PPM1L: variants seen among roughly 807,000 people sequenced by gnomAD.
The protein encoded by PPM1L is protein phosphatase 1L.
PPM1L carries 13 observed loss-of-function variants against 31.4 expected under a neutral mutation model. The observed-to-expected ratio is 0.41, with a 90% CI of 0.27 to 0.66. The LOEUF is 0.66. Ranked by LOEUF, PPM1L falls within the 30% of genes least tolerant of loss-of-function variation. The pLI is 0.29. For missense variants in PPM1L, 326 were observed against 453.7 expected, an observed-to-expected ratio of 0.72 and a Z score of 2.56; for synonymous variants, 184 against 175.4, an observed-to-expected ratio of 1.05 and a Z score of -0.39.
intron 1 of PPM1L, among the ~76,000 whole-genome samples, chr3:160,789,774 C>A (rs186499278): frequency 6.6e-6 from 1 of 151,644 alleles, no homozygotes; most frequent in Non-Finnish European, 1.5e-5. Flanking sequence ...CTTCTGATAT[C>A]GAACCATCTT....
At chr3:160,905,908 A>G (rs756066164) in intron 1 of PPM1L, among the ~76,000 whole-genome samples, 5 of 152,050 alleles carry the variant, frequency 3.3e-5, no homozygotes, top group Non-Finnish European at 5.9e-5. Flanking sequence ...TTTACATTTT[A>G]ATTGCTCATT....
intron 1 of PPM1L, among the ~76,000 whole-genome samples, chr3:160,865,360 T>C (rs1264492528): frequency 2.0e-5 from 3 of 152,256 alleles, no homozygotes; most frequent in Admixed American, 6.5e-5. Flanking sequence ...AGGAATTGTA[T>C]TTTATTGTTG....
At chr3:160,842,181 C>T in intron 1 of PPM1L, 1 of 688,708 alleles carries the variant, frequency 1.5e-6, no homozygotes. Context: ...AGGACTCATG[C>T]AGGAGCTGGA....
intron 1 of PPM1L, among the ~76,000 whole-genome samples, chr3:160,894,962 C>T (rs1225446213): frequency 6.6e-6 from 1 of 152,094 alleles, no homozygotes; most frequent in Non-Finnish European, 1.5e-5. Flanking sequence ...TATATATCTT[C>T]CACCTTTTTT....
intron 2 of PPM1L, among the ~76,000 whole-genome samples, chr3:161,038,955 A>G (rs1718830987): frequency 6.6e-6 from 1 of 152,200 alleles, no homozygotes; most frequent in Non-Finnish European, 1.5e-5. Flanking sequence ...CAGAACCAAA[A>G]TGGTGACGAG....
At chr3:160,835,033 A>ACTTCTTCTTCTTCTT (rs1472836807) in intron 1 of PPM1L, among the ~76,000 whole-genome samples, 96 of 86,300 alleles carry the variant, frequency 1.1e-3, no homozygotes, top group African/African-American at 6.0e-3. Context: ...TACTATTACT[A>ACTTCTTCTTCTTCTT]CTACTACTTC....
intron 1 of PPM1L, among the ~76,000 whole-genome samples, chr3:160,799,722 G>A (rs952284830): frequency 2.6e-5 from 4 of 152,010 alleles, no homozygotes; most frequent in Non-Finnish European, 5.9e-5. Context: ...GCTTATCCAC[G>A]TGGCTTGCCC....
chr3:160,906,562 A>T (rs986559395), intron 1 of PPM1L, among the ~76,000 whole-genome samples: 21 of 151,998 alleles, frequency 1.4e-4, no homozygotes, highest in African/African-American at 5.1e-4. Context: ...AGATCATGCC[A>T]CTGCACTCCA....
chr3:161,044,509 G>A (rs1719000243), intron 2 of PPM1L, among the ~76,000 whole-genome samples: 2 of 151,876 alleles, frequency 1.3e-5, no homozygotes, highest in Admixed American at 1.3e-4. Context: ...GGAGGCTGAG[G>A]CAGGCAGATC....
intron 1 of PPM1L, among the ~76,000 whole-genome samples, chr3:160,821,861 A>AG (rs397877057): frequency 6.6e-6 from 1 of 151,974 alleles, no homozygotes; most frequent in Non-Finnish European, 1.5e-5. Flanking sequence ...TTTAAAAAAA[A>AG]TTAGTAATGG....
rs1720028619 is a variant in PPM1L, at chr3:161,074,130, T to A, written c.*4973T>A. 1 of 152,268 alleles carries A rather than the reference T, an allele frequency of 6.6e-6. No homozygotes were observed. Among genetic ancestry groups the A allele is most frequent in the Non-Finnish European group, 1.5e-5 (1 of 68,048 alleles). The allele number at this position is 152,268 out of a possible 1,614,324, so 9.4% of individuals were successfully genotyped here. On this transcript the variant is annotated 3_prime_UTR_variant, in exon 4 of 4. Coordinates refer to ENST00000498165, the MANE Select transcript of PPM1L (RefSeq NM_139245.4). ...GATCTGTTATATAATAACTGAAATGTAAACTATTAACAGTTATTTACTTTC... is the reference window on the plus strand; with the variant it reads ...GATCTGTTATATAATAACTGAAATGAAAACTATTAACAGTTATTTACTTTC...
chr3:160,971,956 C>T (rs983943058), intron 2 of PPM1L, among the ~76,000 whole-genome samples: 9 of 152,106 alleles, frequency 5.9e-5, no homozygotes, highest in South Asian at 2.1e-4. Context: ...TCTGTAGAGA[C>T]GGGTTCTTAC....
intron 2 of PPM1L, among the ~76,000 whole-genome samples, chr3:161,025,065 G>A (rs1324939529): frequency 2.6e-5 from 4 of 152,118 alleles, no homozygotes; most frequent in Non-Finnish European, 5.9e-5. Flanking sequence ...TTTTTCCAGT[G>A]TTCTCATAGT....
chr3:161,031,331 T>C (rs10513563), intron 2 of PPM1L, among the ~76,000 whole-genome samples: 8,373 of 152,250 alleles, frequency 0.055, 245 homozygotes, highest in Non-Finnish European at 0.062. Context: ...GCAACAACTA[T>C]GTACCAGGAT....
At chr3:160,767,672 G>A (rs1325193027) in intron 1 of PPM1L, among the ~76,000 whole-genome samples, 1 of 152,140 alleles carries the variant, frequency 6.6e-6, no homozygotes, top group East Asian at 1.9e-4. Flanking sequence ...TTATAAATGT[G>A]AGTGGTGATT....
At position 161,074,008 on chromosome 3, in the gene PPM1L, ATAT is replaced by A. The variant is rs1485428887; in HGVS notation, c.*4852_*4854del. The A allele has an allele frequency of 2.0e-5, 3 of 152,220 alleles. No individual in the cohort carries two copies. The highest frequency in any genetic ancestry group is 4.4e-5 in the Non-Finnish European group (3 of 68,044). 9.4% of individuals were successfully genotyped at this position (152,220 alleles called of 1,614,324 possible). A position where few individuals can be genotyped will look rare whatever the true frequency, so the allele number is the denominator to read the frequency against. On this transcript the variant is annotated 3_prime_UTR_variant, in exon 4 of 4. Transcript: ENST00000498165. Reference sequence around the variant, plus strand: ...ATGAATATTTTTATATTTCATTACTATATGATATTTAAAAATATACAGAAAATC... The same window carrying A: ...ATGAATATTTTTATATTTCATTACTAGATATTTAAAAATATACAGAAAATC...
chr3:160,970,787 A>AT lies in PPM1L; in HGVS notation c.574+8899dup, dbSNP rs71628437. Among the ~76,000 whole-genome samples the AT allele has an allele frequency of 2.1e-3, 207 of 97,172 alleles. 3 individuals are homozygous for AT. The highest frequency in any genetic ancestry group is 4.1e-3 in the East Asian group (17 of 4,110). 63.7% of individuals were successfully genotyped at this position (97,172 alleles called of 152,430 possible). On this transcript the variant is annotated intron_variant, in intron 2 of 3. Transcript: ENST00000498165. ...CAAGCTGATTTTAATTTCAGTTATA[A>AT]TTTTTTTTTTTTTTTTTTTTTTGAG... is the stretch of plus-strand genomic sequence containing the variant.
At chr3:160,988,214 G>A (rs775647882) in intron 2 of PPM1L, among the ~76,000 whole-genome samples, 6 of 152,126 alleles carry the variant, frequency 3.9e-5, no homozygotes, top group Non-Finnish European at 7.3e-5. Context: ...TCTGTCAAGA[G>A]CATGACGTTT....
intron 1 of PPM1L, among the ~76,000 whole-genome samples, chr3:160,805,985 A>G (rs1222308319): frequency 6.6e-6 from 1 of 152,060 alleles, no homozygotes; most frequent in East Asian, 1.9e-4. Context: ...CAACAACAAG[A>G]ACCACCCCCT....
Sources: allele counts gnomAD v4.1 joint callset (sites outside exome capture counted in the v4.1 genomes callset), GRCh38; gene constraint gnomAD v4.1.1; transcripts MANE v1.5; gene names NCBI Gene and HGNC (gene_info 2026-07-23, HGNC 2026-07-21).